The following SLC39A9 variants were observed in gnomAD, a reference collection of about 807,000 sequenced individuals.
SLC39A9 encodes the protein zinc transporter ZIP9.
SLC39A9 carries 14 observed loss-of-function variants against 28.4 expected under a neutral mutation model. The observed-to-expected ratio is 0.49, with a 90% CI of 0.33 to 0.77. SLC39A9 has a LOEUF of 0.77. Ranked by LOEUF, SLC39A9 falls within the 30% of genes least tolerant of loss-of-function variation. The pLI is 0.02. For synonymous variants in SLC39A9, 119 were observed against 149.6 expected, an observed-to-expected ratio of 0.80 and a Z score of 1.49; for missense variants, 283 against 381.1, an observed-to-expected ratio of 0.74 and a Z score of 2.14.
chr14:69,405,546 G>GT (rs1882866361), intron 1 of SLC39A9, among the ~76,000 whole-genome samples: 1 of 152,132 alleles, frequency 6.6e-6, no homozygotes, highest in African/African-American at 2.4e-5. Context: ...GAGGCCAGGA[G>GT]TTTGAGACCA....
intron 1 of SLC39A9, among the ~76,000 whole-genome samples, chr14:69,422,049 C>T (rs1029680178): frequency 6.6e-6 from 1 of 152,094 alleles, no homozygotes; most frequent in African/African-American, 2.4e-5. Context: ...GAACCAGGTA[C>T]CTCAGTTGGA....
At chr14:69,419,128 G>T (rs1045107429) in intron 1 of SLC39A9, among the ~76,000 whole-genome samples, 7 of 152,212 alleles carry the variant, frequency 4.6e-5, no homozygotes, top group African/African-American at 1.4e-4. Context: ...GCTTTCTCTT[G>T]TGGGCATTTA....
At position 69,460,735 on chromosome 14, in the gene SLC39A9, T is replaced by G. The variant is rs186835934; in HGVS notation, c.*2142T>G. The G allele has an allele frequency of 1.0e-6, 1 of 985,474 alleles. No homozygotes were observed. Among genetic ancestry groups the G allele is most frequent in the East Asian group, 1.1e-4 (1 of 8,820 alleles). 61.0% of individuals were successfully genotyped at this position (985,474 alleles called of 1,614,324 possible). A position where few individuals can be genotyped will look rare whatever the true frequency, so the allele number is the denominator to read the frequency against. The stretch of plus-strand genomic sequence containing the variant: ...AACCATCTGACTTCCAAATTTGCCT[T>G]CCCCTCTGGACCTCACTATTAACAA... On this transcript the variant is annotated 3_prime_UTR_variant, in exon 7 of 7. Transcript: ENST00000336643.
chr14:69,410,395 T>C (rs1169064528), intron 1 of SLC39A9, among the ~76,000 whole-genome samples: 1 of 152,158 alleles, frequency 6.6e-6, no homozygotes, highest in African/African-American at 2.4e-5. Flanking sequence ...TGAAGACAAG[T>C]AATAACAACC....
intron 1 of SLC39A9, among the ~76,000 whole-genome samples, chr14:69,409,497 C>T (rs559068846): frequency 4.0e-5 from 6 of 151,006 alleles, no homozygotes; most frequent in African/African-American, 1.5e-4. Context: ...GCCACCAGGC[C>T]CAGCTAATTT....
intron 1 of SLC39A9, among the ~76,000 whole-genome samples, chr14:69,412,617 G>A (rs1883337426): frequency 6.6e-6 from 1 of 152,056 alleles, no homozygotes; most frequent in Non-Finnish European, 1.5e-5. Flanking sequence ...CAAGTCCCCA[G>A]TGCTTTGCTT....
At position 69,461,751 on chromosome 14, in the gene SLC39A9, A is replaced by G. The variant is rs1408493643; in HGVS notation, c.*3158A>G. The G allele has an allele frequency of 2.6e-6, 4 of 1,535,232 alleles. No individual in the cohort carries two copies. Among genetic ancestry groups the G allele is most frequent in the East Asian group, 4.9e-5 (2 of 40,918 alleles). ...GGAGTGTATTAAGCCCCTGAAACAC[A>G]TGGTAGCTAGGGACTGAACACAGGA... On this transcript the variant is annotated 3_prime_UTR_variant, in exon 7 of 7. Transcript: ENST00000336643.
In SLC39A9 at chr14:69,398,694, A is replaced by G. The variant is rs887490507; in HGVS notation, c.-676A>G. ...GACAATCCGGAAGTGGATGGAATGAAGAGATGCCACTTGGCGGCCATGGCA... is the reference window on the plus strand; with the variant it reads ...GACAATCCGGAAGTGGATGGAATGAGGAGATGCCACTTGGCGGCCATGGCA... On this transcript the variant is annotated 5_prime_UTR_variant, in exon 1 of 7. Coordinates refer to ENST00000336643, the MANE Select transcript of SLC39A9 (RefSeq NM_018375.5). The G allele has an allele frequency of 8.4e-6, 2 of 237,372 alleles. No homozygotes were observed. Among genetic ancestry groups the G allele is most frequent in the South Asian group, 4.4e-5 (1 of 22,542 alleles). 14.7% of individuals were successfully genotyped at this position (237,372 alleles called of 1,614,324 possible).
chr14:69,461,542 G>GT lies in SLC39A9; in HGVS notation c.*2950dup. 6.8e-7 allele frequency: 1 copy of GT among 1,460,870 alleles called. No individual in the cohort carries two copies. The highest frequency in any genetic ancestry group is 9.0e-7 in the Non-Finnish European group (1 of 1,111,004). 90.5% of individuals were successfully genotyped at this position (1,460,870 alleles called of 1,614,324 possible). A position where few individuals can be genotyped will look rare whatever the true frequency, so the allele number is the denominator to read the frequency against. On this transcript the variant is annotated 3_prime_UTR_variant, in exon 7 of 7. Coordinates refer to ENST00000336643, the MANE Select transcript of SLC39A9 (RefSeq NM_018375.5). ...TTCTTTCCCAATTCAAAACAGCCAA[G>GT]TGAGCCCTGTTCTGGTATTTTGAAT...
intron 2 of SLC39A9, chr14:69,441,775 G>C: frequency 1.8e-6 from 2 of 1,086,378 alleles, no homozygotes; most frequent in Non-Finnish European, 2.2e-6. Flanking sequence ...TTTGGGGATG[G>C]TGTCCCTTTG....
chr14:69,419,465 A>G (rs1218710548), intron 1 of SLC39A9, among the ~76,000 whole-genome samples: 6 of 152,204 alleles, frequency 3.9e-5, no homozygotes, highest in Non-Finnish European at 7.3e-5. Flanking sequence ...TGCTGAGAAC[A>G]ATGTATATTC....
intron 5 of SLC39A9, 58 bp from the exon 6 acceptor site, chr14:69,455,674 G>T: frequency 6.2e-7 from 1 of 1,600,596 alleles, no homozygotes; most frequent in Non-Finnish European, 8.5e-7. Context: ...TATACTTCTT[G>T]ATGTAGAAGC....
At chr14:69,433,191 G>C (rs1307599914) in intron 2 of SLC39A9, among the ~76,000 whole-genome samples, 2 of 152,130 alleles carry the variant, frequency 1.3e-5, no homozygotes, top group African/African-American at 4.8e-5. Flanking sequence ...TATCTTGAAT[G>C]GTTGTTGAAT....
intron 4 of SLC39A9, 123 bp from the exon 5 acceptor site, chr14:69,454,689 G>GA (rs1392695066): frequency 1.5e-6 from 1 of 647,938 alleles, no homozygotes; most frequent in Non-Finnish European, 2.7e-6. Flanking sequence ...CTGGCATGTA[G>GA]AAAGGTTAAG....
Position 69,451,771 on chromosome 14 carries a change from A to G in SLC39A9, c.404-1470A>G, listed in dbSNP as rs1361564685. The stretch of plus-strand genomic sequence containing the variant: ...TGCTCTGTCACCCGGGCTGGAGTCC[A>G]GTGGCATGAGCATAGCTTGTTGCAG... On this transcript the variant is annotated intron_variant, in intron 3 of 6. Coordinates refer to ENST00000336643, the MANE Select transcript of SLC39A9 (RefSeq NM_018375.5). 7.2e-5 allele frequency among the ~76,000 whole-genome samples: 11 copies of G among 152,182 alleles called. 1 individual carries two copies. The highest frequency in any genetic ancestry group is 1.6e-4 in the Non-Finnish European group (11 of 68,018).
intron 1 of SLC39A9, among the ~76,000 whole-genome samples, chr14:69,410,947 C>T (rs1416008769): frequency 1.3e-5 from 2 of 151,964 alleles, no homozygotes. Context: ...TGCGGTGGCT[C>T]ATGCCTGTAA....
rs529824321 is a variant in SLC39A9 at position 69,459,068 on chromosome 14, C to T, written c.*475C>T. The T allele has an allele frequency of 1.4e-5, 14 of 987,416 alleles. No homozygotes were observed. The highest frequency in any genetic ancestry group is 1.7e-5 in the Non-Finnish European group (14 of 831,026). The allele number at this position is 987,416 out of a possible 1,614,324, so 61.2% of individuals were successfully genotyped here. On this transcript the variant is annotated 3_prime_UTR_variant, in exon 7 of 7. Coordinates refer to ENST00000336643, the MANE Select transcript of SLC39A9 (RefSeq NM_018375.5). ...GGTGCTTTAGCATCTATGCCACATG[C>T]GTTGATGGAAGGTCATAGCACCCAC... is the stretch of plus-strand genomic sequence containing the variant.
At chr14:69,429,858 T>A (rs540735176) in intron 2 of SLC39A9, among the ~76,000 whole-genome samples, 1 of 152,234 alleles carries the variant, frequency 6.6e-6, no homozygotes, top group African/African-American at 2.4e-5. Context: ...CCCTTCCTTG[T>A]CAACACTTAG....
chr14:69,425,954 C>A (rs574509670), intron 2 of SLC39A9, among the ~76,000 whole-genome samples: 8 of 152,178 alleles, frequency 5.3e-5, no homozygotes, highest in African/African-American at 1.9e-4. Context: ...TGTGAGACAC[C>A]TCACCCAGCC....
Sources: allele counts gnomAD v4.1 joint callset (sites outside exome capture counted in the v4.1 genomes callset), GRCh38; gene constraint gnomAD v4.1.1; transcripts MANE v1.5; gene names NCBI Gene and HGNC (gene_info 2026-07-23, HGNC 2026-07-21).